Variants in B3GALT1 observed in about 807,000 individuals in gnomAD.
The protein encoded by B3GALT1 is UDP-Gal:betaGlcNAc beta 1,3-galactosyltransferase, polypeptide 1.
A neutral mutation model predicts 23.2 loss-of-function variants in B3GALT1; 10 were observed. The ratio of observed to expected loss-of-function variants is 0.43; its 90% CI spans 0.27 to 0.73. The LOEUF (loss-of-function observed/expected upper bound fraction) is 0.73. Ranked by LOEUF, B3GALT1 falls within the 30% of genes least tolerant of loss-of-function variation. B3GALT1 has a pLI of 0.21. For synonymous variants in B3GALT1, 156 were observed against 141.5 expected, an observed-to-expected ratio of 1.10 and a Z score of -0.73; for missense variants, 299 against 405.4, an observed-to-expected ratio of 0.74 and a Z score of 2.25.
chr2:167,440,338 C>A (rs1698859917), intron 1 of B3GALT1, among the ~76,000 whole-genome samples: 1 of 121,700 alleles, frequency 8.2e-6, no homozygotes, highest in Admixed American at 9.0e-5. Flanking sequence ...GAGCGAGACT[C>A]TGTCTGAAAA....
intron 1 of B3GALT1, among the ~76,000 whole-genome samples, chr2:167,382,149 T>C (rs1385249211): frequency 6.6e-6 from 1 of 152,202 alleles, no homozygotes; most frequent in Non-Finnish European, 1.5e-5. Context: ...AGTCACTTCT[T>C]AATCTCATTT....
chr2:167,365,842 A>G (rs1294076117), intron 1 of B3GALT1, among the ~76,000 whole-genome samples: 2 of 152,212 alleles, frequency 1.3e-5, no homozygotes, highest in East Asian at 3.9e-4. Context: ...GAATGCCTCT[A>G]TAGTACCTCT....
chr2:167,824,602 G>A (rs1416685132), intron 4 of B3GALT1, among the ~76,000 whole-genome samples: 5 of 152,156 alleles, frequency 3.3e-5, no homozygotes, highest in Non-Finnish European at 5.9e-5. Context: ...CTCATGGCTT[G>A]ATCCTCTCCA....
At chr2:167,463,503 T>A (rs1699297939) in intron 1 of B3GALT1, among the ~76,000 whole-genome samples, 1 of 152,138 alleles carries the variant, frequency 6.6e-6, no homozygotes, top group Admixed American at 6.6e-5. Context: ...GAAAAAAAGA[T>A]ATCCTGTGAT....
intron 1 of B3GALT1, among the ~76,000 whole-genome samples, chr2:167,345,545 T>G (rs1157687226): frequency 6.6e-6 from 1 of 152,178 alleles, no homozygotes; most frequent in East Asian, 1.9e-4. Flanking sequence ...GTGAACTCTG[T>G]TATCAGACCA....
chr2:167,368,410 C>T (rs1167899120), intron 1 of B3GALT1, among the ~76,000 whole-genome samples: 2 of 152,128 alleles, frequency 1.3e-5, no homozygotes, highest in African/African-American at 4.8e-5. Flanking sequence ...ATTTTGGAAG[C>T]CTTAAATCCC....
At chr2:167,731,059 C>G (rs1242258297) in intron 3 of B3GALT1, among the ~76,000 whole-genome samples, 3 of 152,042 alleles carry the variant, frequency 2.0e-5, no homozygotes, top group Non-Finnish European at 4.4e-5. Context: ...GGACTTGAAC[C>G]CAGGAAACAT....
intron 2 of B3GALT1, among the ~76,000 whole-genome samples, chr2:167,521,068 T>C (rs1700180493): frequency 6.6e-6 from 1 of 152,178 alleles, no homozygotes; most frequent in African/African-American, 2.4e-5. Context: ...AAATAAGTTA[T>C]CTGTTTGTAA....
At chr2:167,854,059 A>G (rs960570545) in intron 4 of B3GALT1, among the ~76,000 whole-genome samples, 1 of 152,218 alleles carries the variant, frequency 6.6e-6, no homozygotes, top group Non-Finnish European at 1.5e-5. Context: ...GGATGAGCAC[A>G]GTAGGGATTG....
intron 3 of B3GALT1, among the ~76,000 whole-genome samples, chr2:167,703,123 C>T (rs577737963): frequency 1.3e-5 from 2 of 152,326 alleles, no homozygotes; most frequent in South Asian, 4.1e-4. Flanking sequence ...AGATACTCTC[C>T]TAAATACTTT....
At chr2:167,841,730 A>C (rs1380876014) in intron 4 of B3GALT1, among the ~76,000 whole-genome samples, 1 of 152,064 alleles carries the variant, frequency 6.6e-6, no homozygotes, top group Non-Finnish European at 1.5e-5. Flanking sequence ...CTAATTAGGA[A>C]AGTAAAATGC....
chr2:167,448,798 G>T (rs1332761845), intron 1 of B3GALT1, among the ~76,000 whole-genome samples: 1 of 152,132 alleles, frequency 6.6e-6, no homozygotes, highest in Non-Finnish European at 1.5e-5. Flanking sequence ...TTAGGATTCA[G>T]TTTCATTCTC....
At chr2:167,615,408 T>A (rs6733068) in intron 2 of B3GALT1, among the ~76,000 whole-genome samples, 1 of 151,662 alleles carries the variant, frequency 6.6e-6, no homozygotes, top group Non-Finnish European at 1.5e-5. Context: ...AGAGTAGGAA[T>A]TGGGGAGATA....
intron 1 of B3GALT1, among the ~76,000 whole-genome samples, chr2:167,294,208 C>T (rs1255835300): frequency 6.6e-6 from 1 of 152,174 alleles, no homozygotes; most frequent in African/African-American, 2.4e-5. Flanking sequence ...GCTGACCTCC[C>T]AGGTTGAGAC....
At chr2:167,521,963 C>A (rs1700193145) in intron 2 of B3GALT1, among the ~76,000 whole-genome samples, 3 of 110,838 alleles carry the variant, frequency 2.7e-5, no homozygotes, top group African/African-American at 6.7e-5. Context: ...ACATTACCAA[C>A]ATATATGTGT....
At chr2:167,554,449 C>T (rs936365776) in intron 2 of B3GALT1, among the ~76,000 whole-genome samples, 3 of 152,064 alleles carry the variant, frequency 2.0e-5, no homozygotes, top group African/African-American at 7.2e-5. Flanking sequence ...AGGTAACAGC[C>T]GAAGGTAACA....
chr2:167,805,852 CA>C (rs1688741673), intron 3 of B3GALT1, among the ~76,000 whole-genome samples: 2 of 152,064 alleles, frequency 1.3e-5, no homozygotes, highest in African/African-American at 4.8e-5. Context: ...TAGTTTCTTC[CA>C]ATTGTGTGAA....
intron 1 of B3GALT1, among the ~76,000 whole-genome samples, chr2:167,417,172 A>C (rs1355043168): frequency 6.6e-6 from 1 of 152,186 alleles, no homozygotes; most frequent in Non-Finnish European, 1.5e-5. Context: ...TCAATGTGGC[A>C]GTATTGAGAG....
intron 3 of B3GALT1, among the ~76,000 whole-genome samples, chr2:167,699,512 TTAAAG>T (rs758749205): frequency 5.9e-4 from 89 of 150,338 alleles, no homozygotes; most frequent in Non-Finnish European, 1.1e-3. Context: ...TTTGCAAAAA[TTAAAG>T]TAAATTTCTC....
Sources: allele counts gnomAD v4.1 joint callset (sites outside exome capture counted in the v4.1 genomes callset), GRCh38; gene constraint gnomAD v4.1.1; transcripts MANE v1.5; gene names NCBI Gene and HGNC (gene_info 2026-07-23, HGNC 2026-07-21).